Variants in LPIN1 observed in about 807,000 individuals in gnomAD.
The protein encoded by LPIN1 is lipin 1, also known as phosphatidate phosphatase LPIN1.
LPIN1 carries 71 observed loss-of-function variants against 107.5 expected under a neutral mutation model. The observed-to-expected ratio is 0.66, with a 90% CI of 0.55 to 0.80. The LOEUF is 0.80. Among genes scored for constraint, LPIN1 ranks in the 30% least tolerant of loss-of-function variants. The probability of loss-of-function intolerance (pLI) is 0.00; values close to 1 mark genes in which losing one functional copy is unlikely to be tolerated. For missense variants in LPIN1, 1,043 were observed against 1,160.6 expected, an observed-to-expected ratio of 0.90 and a Z score of 1.47; for synonymous variants, 445 against 452.6, an observed-to-expected ratio of 0.98 and a Z score of 0.21.
At chr2:11,811,259 G>C (rs894816872) in intron 17 of LPIN1, among the ~76,000 whole-genome samples, 1 of 152,212 alleles carries the variant, frequency 6.6e-6, no homozygotes, top group African/African-American at 2.4e-5. Flanking sequence ...GACTTGGGCT[G>C]GGCTGGCCTG....
chr2:11,732,893 T>C lies in LPIN1; in HGVS notation c.-72+8354T>C, dbSNP rs866081383. Among the ~76,000 whole-genome samples the C allele has an allele frequency of 1.1e-4, 16 of 149,336 alleles. No individual in the cohort carries two copies. In the South Asian group the frequency reaches 2.8e-3, roughly 26 times the overall value. On this transcript the variant is annotated intron_variant, in intron 1 of 21. Coordinates refer to the LPIN1 transcript ENST00000396097. The stretch of plus-strand genomic sequence containing the variant: ...CAAGTGTCCATTTCTCTCTCTCTCT[T>C]TCTCTCTCTCTCTCTCTCTGTGTGT...
At chr2:11,784,651 A>G in intron 9 of LPIN1, 4 of 593,204 alleles carry the variant, frequency 6.7e-6, no homozygotes, top group East Asian at 3.0e-5. Context: ...CTTCTTCAGT[A>G]TATTTTAGGG....
At chr2:11,817,086 G>A (rs1477863386) in intron 18 of LPIN1, 4 of 152,180 alleles carry the variant, frequency 2.6e-5, no homozygotes, top group African/African-American at 9.7e-5. Context: ...TCCCTGCAAA[G>A]GACATGAGCT....
intron 1 of LPIN1, among the ~76,000 whole-genome samples, chr2:11,677,941 G>C (rs1448140080): frequency 6.6e-6 from 1 of 152,264 alleles, no homozygotes; most frequent in Non-Finnish European, 1.5e-5. Context: ...TATAGAGGAG[G>C]CTGTAGAACT....
chr2:11,693,801 TATATATATATATATATA>T (rs1662401658), intron 1 of LPIN1, among the ~76,000 whole-genome samples: 1 of 20,344 alleles, frequency 4.9e-5, no homozygotes, highest in Middle Eastern at 0.012. Flanking sequence ...TATATATATA[TATATATATATATATATA>T]TATATTTTTT....
upstream of LPIN1, among the ~76,000 whole-genome samples, chr2:11,746,347 C>T (rs1666905319): frequency 6.6e-6 from 1 of 152,196 alleles, no homozygotes; most frequent in African/African-American, 2.4e-5. Context: ...TCCTCACTCC[C>T]CCAGTCATCG....
chr2:11,720,944 C>T (rs896220637), upstream of LPIN1, among the ~76,000 whole-genome samples: 7 of 151,882 alleles, frequency 4.6e-5, no homozygotes, highest in Non-Finnish European at 8.8e-5. Flanking sequence ...CAGGGCGAGT[C>T]CTTGTCTGCC....
intron 1 of LPIN1, among the ~76,000 whole-genome samples, chr2:11,737,887 T>A (rs1365870882): frequency 6.6e-6 from 1 of 152,194 alleles, no homozygotes; most frequent in Non-Finnish European, 1.5e-5. Context: ...CATTACTGGG[T>A]ATATACCCAA....
intron 17 of LPIN1, among the ~76,000 whole-genome samples, chr2:11,806,096 G>A (rs1169287584): frequency 1.3e-5 from 2 of 152,204 alleles, no homozygotes; most frequent in African/African-American, 2.4e-5. Flanking sequence ...TGAGGTGGGT[G>A]AGCAAGTTAC....
At chr2:11,742,783 C>A (rs1666505025), upstream of LPIN1, among the ~76,000 whole-genome samples, 1 of 152,232 alleles carries the variant, frequency 6.6e-6, no homozygotes, top group South Asian at 2.1e-4. Context: ...CGTTCCAGAC[C>A]CCCTCTGGCT....
intron 1 of LPIN1, among the ~76,000 whole-genome samples, chr2:11,704,397 G>C (rs1461416272): frequency 6.6e-6 from 1 of 152,200 alleles, no homozygotes; most frequent in African/African-American, 2.4e-5. Context: ...CCCACCCGGG[G>C]GAGGCAGAGC....
chr2:11,793,208 G>T (rs1204926073), intron 13 of LPIN1, among the ~76,000 whole-genome samples: 1 of 152,134 alleles, frequency 6.6e-6, no homozygotes, highest in African/African-American at 2.4e-5. Context: ...CCATCTGTGG[G>T]TGAGATTCAT....
chr2:11,684,526 T>C (rs1031547374), intron 1 of LPIN1, among the ~76,000 whole-genome samples: 11 of 152,264 alleles, frequency 7.2e-5, no homozygotes, highest in African/African-American at 2.6e-4. Flanking sequence ...TGGAGGGTGG[T>C]TGGCATGGAG....
chr2:11,702,196 A>G (rs547992968), intron 1 of LPIN1, among the ~76,000 whole-genome samples: 1 of 152,320 alleles, frequency 6.6e-6, no homozygotes, highest in East Asian at 1.9e-4. Flanking sequence ...GAGCAAAGGG[A>G]AAATGTGGAC....
intron 12 of LPIN1, among the ~76,000 whole-genome samples, chr2:11,789,513 T>C (rs909248344): frequency 3.3e-5 from 5 of 151,376 alleles, no homozygotes; most frequent in African/African-American, 7.3e-5. Flanking sequence ...CGTGTGCATG[T>C]ATGTGTGGAT....
intron 1 of LPIN1, among the ~76,000 whole-genome samples, chr2:11,740,122 A>G (rs1191789802): frequency 6.6e-6 from 1 of 152,078 alleles, no homozygotes; most frequent in Non-Finnish European, 1.5e-5. Flanking sequence ...ACGGCTGGAG[A>G]CCCTGGAGTG....
At chr2:11,691,489 A>C (rs1572321214) in intron 1 of LPIN1, among the ~76,000 whole-genome samples, 1 of 151,750 alleles carries the variant, frequency 6.6e-6, no homozygotes, top group South Asian at 2.1e-4. Flanking sequence ...TCAGGTGCTG[A>C]CCTCCAGCCA....
At chr2:11,802,797 G>A (rs1677986343) in intron 14 of LPIN1, 110 bp from the exon 15 acceptor site, 13 of 1,282,234 alleles carry the variant, frequency 1.0e-5, no homozygotes, top group Middle Eastern at 2.6e-4. Context: ...CCCGAGAGAC[G>A]GGACTCAGGA....
intron 15 of LPIN1, 27 bp from the exon 16 acceptor site, chr2:11,804,396 C>G (rs1479685017): frequency 6.2e-7 from 1 of 1,613,902 alleles, no homozygotes; most frequent in Non-Finnish European, 8.5e-7. Context: ...CTCAAGCAGA[C>G]AAATACTAAT....
Sources: gnomAD v4.1 joint callset for allele counts (sites outside exome capture counted in the v4.1 genomes callset) on GRCh38, gnomAD v4.1.1 for gene constraint, MANE v1.5 for transcripts, NCBI Gene and HGNC (gene_info 2026-07-23, HGNC 2026-07-21) for gene names.